The following IL20RB variants were observed in gnomAD, a reference collection of about 807,000 sequenced individuals.
The protein encoded by IL20RB is interleukin-20 receptor subunit beta.
IL20RB carries 21 observed loss-of-function variants against 33.3 expected under a neutral mutation model. The observed-to-expected ratio is 0.63, with a 90% CI of 0.45 to 0.91. The LOEUF (loss-of-function observed/expected upper bound fraction) is 0.91, where lower values mean the gene tolerates loss of function less well. Ranked by LOEUF, IL20RB falls within the 40% of genes least tolerant of loss-of-function variation. The probability of loss-of-function intolerance (pLI) is 0.00; values close to 1 mark genes in which losing one functional copy is unlikely to be tolerated. For missense variants in IL20RB, 345 were observed against 384.8 expected (o/e 0.90, Z 0.86); for synonymous variants, 147 against 146.8 (o/e 1.00, Z -0.01).
chr3:137,010,459 G>A lies in IL20RB; in HGVS notation c.*236G>A. On this transcript the variant is annotated 3_prime_UTR_variant, in exon 7 of 7. Transcript: ENST00000329582. ...CTGGGGGCTGCCACTTGCTGGCTGA[G>A]CAACCCTGGGAAAAGTGACTTCATC... 2.3e-6 allele frequency: 1 copy of A among 443,970 alleles called. No individual in the cohort carries two copies. Among genetic ancestry groups the A allele is most frequent in the Non-Finnish European group, 4.0e-6 (1 of 247,860 alleles). The allele number at this position is 443,970 out of a possible 1,614,324, so 27.5% of individuals were successfully genotyped here.
chr3:136,963,229 C>A (rs1250961331), intron 1 of IL20RB, among the ~76,000 whole-genome samples: 1 of 152,120 alleles, frequency 6.6e-6, no homozygotes, highest in Non-Finnish European at 1.5e-5. Context: ...GACATCTGGG[C>A]CGATTCCAGC....
intron 6 of IL20RB, among the ~76,000 whole-genome samples, chr3:137,006,644 C>A (rs960283386): frequency 1.1e-4 from 16 of 152,160 alleles, no homozygotes; most frequent in East Asian, 3.9e-4. Context: ...CTTCTCTACA[C>A]TGTTTATTCT....
intron 3 of IL20RB, among the ~76,000 whole-genome samples, chr3:136,988,526 G>A (rs903680967): frequency 6.6e-6 from 1 of 152,178 alleles, no homozygotes. Flanking sequence ...AACTGCTTGA[G>A]TCTAGGAATT....
intron 6 of IL20RB, among the ~76,000 whole-genome samples, chr3:137,003,108 T>C (rs1156484965): frequency 2.0e-5 from 3 of 152,228 alleles, no homozygotes; most frequent in Non-Finnish European, 2.9e-5. Flanking sequence ...CTGAGGTCTC[T>C]GTTCTGTTCC....
chr3:137,006,716 T>C (rs1485741863), intron 6 of IL20RB, among the ~76,000 whole-genome samples: 1 of 152,216 alleles, frequency 6.6e-6, no homozygotes, highest in Non-Finnish European at 1.5e-5. Context: ...GGTTCCAACA[T>C]CCTCCTTTAG....
intron 2 of IL20RB, 189 bp from the exon 3 acceptor site, chr3:136,981,971 A>C: frequency 4.9e-6 from 2 of 407,376 alleles, no homozygotes; most frequent in Non-Finnish European, 8.8e-6. Flanking sequence ...AGCTTTCCCT[A>C]TCTGGCAATA....
Position 136,995,473 on chromosome 3 carries a change from G to C in IL20RB, c.742G>C (p.Val248Leu), listed in dbSNP as rs773090407. 7.4e-6 allele frequency: 12 copies of C among 1,614,102 alleles called. No homozygotes were observed. The highest frequency in any genetic ancestry group is 1.0e-5 in the Non-Finnish European group (12 of 1,180,014). Residue 248 changes from valine to leucine, a missense_variant, in exon 6 of 7, where the codon GTG becomes CTG. Coordinates refer to ENST00000329582, the MANE Select transcript of IL20RB (RefSeq NM_144717.4). ...FAFVGFMLIL[V>L]VVPLFVWKMG... Reference sequence around the variant, plus strand: ...CTTTGTTGGCTTCATGCTGATCCTTGTGGTCGTGCCACTGTTCGTCTGGAA... The same window carrying C: ...CTTTGTTGGCTTCATGCTGATCCTTCTGGTCGTGCCACTGTTCGTCTGGAA...
chr3:136,999,810 T>C (rs182862351), intron 6 of IL20RB, among the ~76,000 whole-genome samples: 1 of 152,332 alleles, frequency 6.6e-6, no homozygotes, highest in East Asian at 1.9e-4. Flanking sequence ...AGATATTGTG[T>C]TTTTAAATTC....
chr3:136,961,958 G>T (rs561157408), intron 1 of IL20RB, among the ~76,000 whole-genome samples: 3 of 152,068 alleles, frequency 2.0e-5, no homozygotes, highest in African/African-American at 7.2e-5. Context: ...CCAAAAGCTA[G>T]AACAATTTGA....
chr3:136,963,594 T>C (rs1244976193), intron 1 of IL20RB, among the ~76,000 whole-genome samples: 2 of 152,118 alleles, frequency 1.3e-5, no homozygotes, highest in African/African-American at 4.8e-5. Flanking sequence ...TCTATTCATG[T>C]CCTTTGCCTA....
intron 1 of IL20RB, among the ~76,000 whole-genome samples, chr3:136,973,466 G>A (rs73231988): frequency 0.12 from 17,907 of 152,016 alleles, 1,123 homozygotes; most frequent in East Asian, 0.2. Flanking sequence ...GTTGACACTC[G>A]TTTTGTGACC....
intron 6 of IL20RB, among the ~76,000 whole-genome samples, chr3:136,997,925 C>G (rs9682332): frequency 6.6e-6 from 1 of 151,872 alleles, no homozygotes; most frequent in Non-Finnish European, 1.5e-5. Flanking sequence ...TGCATGCCCC[C>G]ACACCCGGCT....
intron 3 of IL20RB, among the ~76,000 whole-genome samples, chr3:136,985,613 A>C (rs1198986409): frequency 6.6e-6 from 1 of 152,132 alleles, no homozygotes; most frequent in Admixed American, 6.6e-5. Flanking sequence ...CTGGGATTAC[A>C]GGTGTGAGCC....
At chr3:136,999,745 C>A (rs933994536) in intron 6 of IL20RB, among the ~76,000 whole-genome samples, 2 of 152,100 alleles carry the variant, frequency 1.3e-5, no homozygotes, top group African/African-American at 4.8e-5. Context: ...ACTGACTCTT[C>A]TGTTATCACC....
At chr3:137,003,912 T>C (rs1942297195) in intron 6 of IL20RB, among the ~76,000 whole-genome samples, 1 of 152,184 alleles carries the variant, frequency 6.6e-6, no homozygotes, top group Non-Finnish European at 1.5e-5. Context: ...CATAAATAGC[T>C]CTTATTATTT....
At chr3:137,007,390 C>G (rs1942370346) in intron 6 of IL20RB, among the ~76,000 whole-genome samples, 1 of 152,170 alleles carries the variant, frequency 6.6e-6, no homozygotes, top group South Asian at 2.1e-4. Context: ...ATGCCCTGTC[C>G]ATAGAGGTGG....
chr3:137,007,392 T>C (rs1304362552), intron 6 of IL20RB, among the ~76,000 whole-genome samples: 2 of 152,202 alleles, frequency 1.3e-5, no homozygotes, highest in South Asian at 2.1e-4. Context: ...GCCCTGTCCA[T>C]AGAGGTGGAG....
intron 6 of IL20RB, among the ~76,000 whole-genome samples, chr3:136,997,893 C>G (rs1331610385): frequency 6.6e-6 from 1 of 151,878 alleles, no homozygotes; most frequent in Non-Finnish European, 1.5e-5. Context: ...GACTCAGCCT[C>G]CTGAGTAGCT....
intron 6 of IL20RB, among the ~76,000 whole-genome samples, chr3:137,003,802 T>C (rs991030271): frequency 6.6e-6 from 1 of 152,210 alleles, no homozygotes; most frequent in Non-Finnish European, 1.5e-5. Flanking sequence ...TCCAACACTA[T>C]GTTGAATAGG....
Sources: allele counts gnomAD v4.1 joint callset (sites outside exome capture counted in the v4.1 genomes callset), GRCh38; gene constraint gnomAD v4.1.1; transcripts MANE v1.5; gene names NCBI Gene and HGNC (gene_info 2026-07-23, HGNC 2026-07-21).